The following CHORDC1 variants were observed in gnomAD, a reference collection of about 807,000 sequenced individuals.
CHORDC1 encodes cysteine and histidine-rich domain-containing protein 1.
In CHORDC1, 25 loss-of-function variants were observed where a neutral mutation model predicts 48.3. The observed-to-expected ratio is 0.52, with a 90% confidence interval of 0.38 to 0.72. The LOEUF (loss-of-function observed/expected upper bound fraction) is 0.72, where lower values mean the gene tolerates loss of function less well. CHORDC1 is among the 30% of genes least tolerant of loss of function. CHORDC1 has a pLI of 0.00. For synonymous variants in CHORDC1, 128 were observed against 126.4 expected (o/e 1.01, Z -0.09); for missense variants, 317 against 388.7 (o/e 0.82, Z 1.55).
intron 6 of CHORDC1, among the ~76,000 whole-genome samples, chr11:90,210,050 C>G (rs143126313): frequency 6.6e-6 from 1 of 152,262 alleles, no homozygotes; most frequent in Non-Finnish European, 1.5e-5. Flanking sequence ...GTTACTGCAT[C>G]CAGAACACTC....
At chr11:90,207,164 C>T (rs1220330260) in intron 6 of CHORDC1, 1 of 167,210 alleles carries the variant, frequency 6.0e-6, no homozygotes, top group Non-Finnish European at 1.3e-5. Context: ...AATGAAATCT[C>T]ATCAATTTGA....
chr11:90,215,584 G>A (rs530418309), intron 2 of CHORDC1, among the ~76,000 whole-genome samples: 1 of 151,660 alleles, frequency 6.6e-6, no homozygotes, highest in East Asian at 1.9e-4. Context: ...TTCAAAATAA[G>A]TATAGGTATT....
intron 1 of CHORDC1, among the ~76,000 whole-genome samples, chr11:90,218,878 G>A (rs939328963): frequency 2.0e-5 from 3 of 151,972 alleles, no homozygotes; most frequent in Non-Finnish European, 4.4e-5. Flanking sequence ...AACCTTCCAA[G>A]TGTGAAGTGA....
At position 90,217,117 on chromosome 11, in the gene CHORDC1, TTC is replaced by T. The variant is rs374502395; in HGVS notation, c.114+1016_114+1017del. The stretch of plus-strand genomic sequence containing the variant: ...GTCTCAACTTGCCCTACTGAATGTC[TTC>T]TCTGTTTTCCTCACTCAGAACTAAC... On this transcript the variant is annotated intron_variant, in intron 2 of 10. Coordinates refer to ENST00000320585, the MANE Select transcript of CHORDC1 (RefSeq NM_012124.3). 2.6e-4 allele frequency among the ~76,000 whole-genome samples: 39 copies of T among 152,354 alleles called. No individual in the cohort carries two copies. The East Asian group carries it at 6.7e-3, about 26-fold the overall frequency.
intron 2 of CHORDC1, chr11:90,217,912 A>C (rs926212985): frequency 4.9e-5 from 14 of 283,612 alleles, no homozygotes; most frequent in South Asian, 2.2e-4. Flanking sequence ...AAAAAAAAAA[A>C]CCCAGAATTA....
chr11:90,215,138 T>A, intron 3 of CHORDC1, 36 bp downstream of exon 3: 1 of 1,196,148 alleles, frequency 8.4e-7, no homozygotes, highest in African/African-American at 1.6e-5. Flanking sequence ...CATGTATTTT[T>A]AGGAAGATAA....
rs1430643496 is a variant in CHORDC1 at position 90,201,146 on chromosome 11, A to G, written c.*1259T>C. 6.6e-6 allele frequency: 1 copy of G among 151,984 alleles called. No individual in the cohort carries two copies. The highest frequency in any genetic ancestry group is 1.5e-5 in the Non-Finnish European group (1 of 67,870). The allele number at this position is 151,984 out of a possible 1,614,324, so 9.4% of individuals were successfully genotyped here. A position where few individuals can be genotyped will look rare whatever the true frequency, so the allele number is the denominator to read the frequency against. On this transcript the variant is annotated 3_prime_UTR_variant, in exon 11 of 11. Coordinates refer to ENST00000320585, the MANE Select transcript of CHORDC1 (RefSeq NM_012124.3). Reference sequence around the variant, plus strand: ...ATTCACGAAAATAGTACTTCTGCAAATTTTTCTTTGTAAGAATTCCATAAA... The same window carrying G: ...ATTCACGAAAATAGTACTTCTGCAAGTTTTTCTTTGTAAGAATTCCATAAA...
intron 1 of CHORDC1, 119 bp downstream of exon 1, chr11:90,222,772 C>T (rs1247899494): frequency 4.4e-6 from 4 of 911,080 alleles, no homozygotes; most frequent in South Asian, 2.8e-5. Context: ...CCAGGAGGGG[C>T]ATGGACCTGG....
At chr11:90,213,888 C>G in intron 4 of CHORDC1, 130 bp downstream of exon 4, 1 of 746,266 alleles carries the variant, frequency 1.3e-6, no homozygotes, top group Admixed American at 2.7e-5. Context: ...AAGGGAGAAA[C>G]CAAATGGTTC....
At position 90,202,525 on chromosome 11, in the gene CHORDC1, T is replaced by G; in HGVS notation, c.879A>C (p.Val293=). 1 of 1,613,528 alleles carries G rather than the reference T, an allele frequency of 6.2e-7. No individual in the cohort carries two copies. The highest frequency in any genetic ancestry group is 8.5e-7 in the Non-Finnish European group (1 of 1,179,652). The change falls in exon 11 of 11, where the codon GTA becomes GTC. Residue 293 remains valine, a synonymous_variant. Coordinates refer to ENST00000320585, the MANE Select transcript of CHORDC1 (RefSeq NM_012124.3). ...TTTCAATCTTTGTTGCAGTCATAGT[T>G]ACATAACTTCGCTTTACATCAATCA... ...WGVIDVKRSY[V]TMTATKIEIT... is the part of the protein sequence containing the mutation.
Position 90,222,884 on chromosome 11 carries a change from C to T in CHORDC1, c.64+7G>A. The T allele has an allele frequency of 6.2e-7, 1 of 1,613,672 alleles. No homozygotes were observed. The highest frequency in any genetic ancestry group is 8.5e-7 in the Non-Finnish European group (1 of 1,179,674). On this transcript the variant is annotated splice_region_variant and intron_variant, in intron 1 of 10. Coordinates refer to ENST00000320585, the MANE Select transcript of CHORDC1 (RefSeq NM_012124.3). ...GGGAGGGAGGGCTGGCGGCGCGTTC[C>T]TCTTACCGTCGGAATTGGTCTCAGG...
rs1384367014 is a variant in CHORDC1 at position 90,214,100 on chromosome 11, T to C, written c.247A>G (p.Lys83Glu). 7 of 1,613,446 alleles carry C rather than the reference T, an allele frequency of 4.3e-6. No homozygotes were observed. The South Asian group carries it at 4.4e-5, about 10-fold the overall frequency. The change falls in exon 4 of 11, where the codon AAG becomes GAG. Residue 83 changes from lysine to glutamate, a missense_variant. By Grantham distance (56) the Lys-to-Glu change is moderately conservative. Coordinates refer to ENST00000320585, the MANE Select transcript of CHORDC1 (RefSeq NM_012124.3). Reference sequence around the variant, plus strand: ...TTGGGTTTTAATTCACATAGCTCCTTCTTCTCAGTAGTCTTGACTTCAGGT... The same window carrying C: ...TTGGGTTTTAATTCACATAGCTCCTCCTTCTCAGTAGTCTTGACTTCAGGT... ...VKPEVKTTEKKELCELKPKFQ... is the reference protein window; with the variant it reads ...VKPEVKTTEKEELCELKPKFQ...
At chr11:90,220,285 T>G (rs1007657710) in intron 1 of CHORDC1, among the ~76,000 whole-genome samples, 1 of 152,210 alleles carries the variant, frequency 6.6e-6, no homozygotes, top group Non-Finnish European at 1.5e-5. Flanking sequence ...AGTAACCATG[T>G]GCTGCATAGA....
rs748755435 is a variant in CHORDC1 at position 90,205,519 on chromosome 11, T to C, written c.610A>G (p.Thr204Ala). Reference protein sequence around the residue: ...CCRRKTSDFNTFLAQEGCTKG... With the variant: ...CCRRKTSDFNAFLAQEGCTKG... Reference sequence around the variant, plus strand: ...GTACAGCCCTCTTGGGCTAAGAATGTATTAAAATCAGAAGTTTTTCTTCTA... The same window carrying C: ...GTACAGCCCTCTTGGGCTAAGAATGCATTAAAATCAGAAGTTTTTCTTCTA... Residue 204 changes from threonine (T) to alanine (A), a missense_variant, in exon 8 of 11, where the codon ACA becomes GCA. Thr to Ala is a moderately conservative substitution (Grantham distance 58). Transcript: ENST00000320585. 1 of 1,603,224 alleles carries C rather than the reference T, an allele frequency of 6.2e-7. No homozygotes were observed. Among genetic ancestry groups the C allele is most frequent in the Non-Finnish European group, 8.5e-7 (1 of 1,177,204 alleles).
intron 3 of CHORDC1, 99 bp from the exon 4 acceptor site, chr11:90,214,274 G>T: frequency 1.1e-6 from 1 of 913,652 alleles, no homozygotes; most frequent in Non-Finnish European, 1.5e-6. Context: ...TCTATTTCAT[G>T]TTTTCTCCAG....
At chr11:90,221,753 G>T (rs3824897) in intron 1 of CHORDC1, among the ~76,000 whole-genome samples, 43,549 of 151,972 alleles carry the variant, frequency 0.29, 6,396 homozygotes, top group South Asian at 0.37. Context: ...GCATAGGTTG[G>T]ATTTTCCTTT....
chr11:90,220,841 G>A (rs142198317), intron 1 of CHORDC1, among the ~76,000 whole-genome samples: 75 of 152,122 alleles, frequency 4.9e-4, no homozygotes, highest in African/African-American at 1.5e-3. Flanking sequence ...TGAGCTACTC[G>A]CTAGTAGTTC....
intron 8 of CHORDC1, 77 bp downstream of exon 8, chr11:90,205,383 C>A: frequency 1.1e-6 from 1 of 943,250 alleles, no homozygotes; most frequent in Non-Finnish European, 1.7e-6. Flanking sequence ...AATCTAAAGA[C>A]AGAATAATTT....
rs1042072745 is a variant in CHORDC1, at chr11:90,202,076, A to G, written c.*329T>C. 4.3e-5 allele frequency: 8 copies of G among 186,930 alleles called. No homozygotes were observed. The highest frequency in any genetic ancestry group is 7.7e-5 in the Non-Finnish European group (7 of 91,452). 11.6% of individuals were successfully genotyped at this position (186,930 alleles called of 1,614,324 possible). A position where few individuals can be genotyped will look rare whatever the true frequency, so the allele number is the denominator to read the frequency against. Reference sequence around the variant, plus strand: ...GGAATAATACAAAAACATAAAAAAAATGTTCCTTAATATTTCTTTGCTTAA... The same window carrying G: ...GGAATAATACAAAAACATAAAAAAAGTGTTCCTTAATATTTCTTTGCTTAA... On this transcript the variant is annotated 3_prime_UTR_variant, in exon 11 of 11. Transcript: ENST00000320585.
Sources: gnomAD v4.1 joint callset for allele counts (sites outside exome capture counted in the v4.1 genomes callset) on GRCh38, gnomAD v4.1.1 for gene constraint, MANE v1.5 for transcripts, NCBI Gene and HGNC (gene_info 2026-07-23, HGNC 2026-07-21) for gene names.